Variants in ARHGEF40 observed in about 807,000 individuals in gnomAD.
ARHGEF40 encodes the protein Rho guanine nucleotide exchange factor (GEF) 40.
A neutral mutation model predicts 165.9 loss-of-function variants in ARHGEF40; 98 were observed. That is an observed-to-expected ratio of 0.59 (90% confidence interval 0.50 to 0.70). The LOEUF is 0.70. ARHGEF40 is among the 30% of genes least tolerant of loss of function. The pLI is 0.00. For missense variants in ARHGEF40, 1,815 were observed against 1,968.0 expected, an observed-to-expected ratio of 0.92 and a Z score of 1.47; for synonymous variants, 792 against 814.3, an observed-to-expected ratio of 0.97 and a Z score of 0.47.
rs1339288843 is a variant in ARHGEF40, at chr14:21,075,760, G to T, written c.1734G>T (p.Leu578=). ...CAACTCTTCATTACCTCCACTCACTGCTCAGGTAACCGAGGCCCAGTCCTG... is the reference window on the plus strand; with the variant it reads ...CAACTCTTCATTACCTCCACTCACTTCTCAGGTAACCGAGGCCCAGTCCTG... ...LNTTLHYLHS[L]LRPDLQTLGL... The change falls in exon 5 of 24, where the codon CTG becomes CTT. Residue 578 remains leucine, a synonymous_variant. Coordinates refer to ENST00000298694, the MANE Select transcript of ARHGEF40 (RefSeq NM_018071.5). This position sits in a 1 kb window ranked among gnomAD's most constrained non-coding sequence, Gnocchi z 4.5. 4 of 1,612,566 alleles carry T rather than the reference G, an allele frequency of 2.5e-6. No homozygotes were observed. Among genetic ancestry groups the T allele is most frequent in the Non-Finnish European group, 3.4e-6 (4 of 1,179,430 alleles).
chr14:21,076,409 G>A lies in ARHGEF40; in HGVS notation c.1789G>A (p.Ala597Thr), dbSNP rs1490560203. The A allele has an allele frequency of 6.2e-7, 1 of 1,613,608 alleles. No individual in the cohort carries two copies. The highest frequency in any genetic ancestry group is 1.7e-5 in the Admixed American group (1 of 60,020). The change falls in exon 6 of 24, where the codon GCA (alanine) becomes ACA (threonine). Residue 597 changes from alanine (A) to threonine (T), a missense_variant. Coordinates refer to ENST00000298694, the MANE Select transcript of ARHGEF40 (RefSeq NM_018071.5). ...GTCCGTCCTGCTGGACCTTCGTCAG[G>A]CACCTCCACTGCCTCCAGCACTCAT... Reference protein sequence around the residue: ...GLSVLLDLRQAPPLPPALIPA... With the variant: ...GLSVLLDLRQTPPLPPALIPA...
Position 21,072,764 on chromosome 14 carries a change from G to A in ARHGEF40, c.4-281G>A, listed in dbSNP as rs72671117. ...CAATCACCCCAACTCACGAGCACCC[G>A]GAACAGCCCTGATCAGGGGCATTCA... On this transcript the variant is annotated intron_variant, in intron 1 of 23. Coordinates refer to ENST00000298694, the MANE Select transcript of ARHGEF40 (RefSeq NM_018071.5). The surrounding 1 kb of genome is among the most constrained non-coding windows in gnomAD (Gnocchi z 4.1). Among the ~76,000 whole-genome samples the A allele has an allele frequency of 5.2e-3, 787 of 152,224 alleles. 2 individuals carry two copies. Among genetic ancestry groups the A allele is most frequent in the Non-Finnish European group, 8.3e-3 (563 of 68,016 alleles).
At chr14:21,078,588 A>T in intron 10 of ARHGEF40, 100 bp downstream of exon 10, 1 of 1,230,862 alleles carries the variant, frequency 8.1e-7, no homozygotes, top group Non-Finnish European at 1.1e-6. Context: ...CTTACTGTGC[A>T]TGTATCTGGG....
At chr14:21,082,577 A>C in intron 15 of ARHGEF40, 99 bp downstream of exon 15, 5 of 1,330,740 alleles carry the variant, frequency 3.8e-6, no homozygotes, top group Non-Finnish European at 3.0e-6. Flanking sequence ...CTCTCCTCCC[A>C]TGTGTGGTCC....
chr14:21,067,278 G>A (rs1210328114), upstream of ARHGEF40, among the ~76,000 whole-genome samples: 1 of 71,268 alleles, frequency 1.4e-5, no homozygotes, highest in Non-Finnish European at 3.7e-5. Context: ...CTAGAAAAAG[G>A]TAGGTTTTTT....
chr14:21,083,132 T>C (rs571643621), intron 16 of ARHGEF40, among the ~76,000 whole-genome samples: 1 of 152,290 alleles, frequency 6.6e-6, no homozygotes, highest in East Asian at 1.9e-4. Flanking sequence ...TCCTGTTTCC[T>C]CTGGGCCTCT....
At chr14:21,081,469 T>TA in intron 13 of ARHGEF40, 40 bp from the exon 14 acceptor site, 2 of 1,607,258 alleles carry the variant, frequency 1.2e-6, no homozygotes, top group Non-Finnish European at 1.7e-6. Flanking sequence ...CACAGGCCCT[T>TA]ACCCTTTCTC....
chr14:21,083,384 CAAAAAAAAAA>C (rs59831663), intron 16 of ARHGEF40, among the ~76,000 whole-genome samples: 6 of 128,048 alleles, frequency 4.7e-5, no homozygotes, highest in Admixed American at 2.4e-4. Context: ...ACTAGAAATA[CAAAAAAAAAA>C]AAAAAATTAG....
chr14:21,074,651 C>T lies in ARHGEF40; in HGVS notation c.921C>T (p.Gly307=), dbSNP rs772078736. ...GCCAGGATGGAGCACGCCCACCCGG[C>T]GAGGGGAGCAGCACCGGAGCCTCCC... ...PRGQDGARPP[G]EGSSTGASPE... is the part of the protein sequence containing the mutation. The change falls in exon 3 of 24, where the codon GGC becomes GGT. Residue 307 remains glycine, a synonymous_variant. Transcript: ENST00000298694. The surrounding 1 kb of genome is among the most constrained non-coding windows in gnomAD (Gnocchi z 4.8). The T allele has an allele frequency of 2.4e-5, 37 of 1,566,260 alleles. No homozygotes were observed. The highest frequency in any genetic ancestry group is 1.3e-4 in the South Asian group (11 of 86,016).
At position 21,076,518 on chromosome 14, in the gene ARHGEF40, G is replaced by A. The variant is rs1020970473; in HGVS notation, c.1837-45G>A. 27 of 1,613,924 alleles carry A rather than the reference G, an allele frequency of 1.7e-5. 2 individuals are homozygous for A. The African/African-American group carries it at 2.3e-4, about 14-fold the overall frequency. On this transcript the variant is annotated intron_variant, in intron 6 of 23. Transcript: ENST00000298694. Reference sequence around the variant, plus strand: ...TAACTCTTCACCAGTGGCCAGTCCAGGACACCCGATTGCCCAGTTTAGGGT... The same window carrying A: ...TAACTCTTCACCAGTGGCCAGTCCAAGACACCCGATTGCCCAGTTTAGGGT...
In ARHGEF40 at chr14:21,085,712, A is replaced by G. The variant is rs181657139; in HGVS notation, c.3984A>G (p.Glu1328=). 38 of 1,614,084 alleles carry G rather than the reference A, an allele frequency of 2.4e-5. No homozygotes were observed. The East Asian group carries it at 8.5e-4, about 36-fold the overall frequency. ...AGACTGCTGATATGGGGCTGACAGA[A>G]AACATCGGGGACAGCGGACTCTGCT... is the stretch of plus-strand genomic sequence containing the variant. The part of the protein sequence containing the change: ...AFKTADMGLT[E]NIGDSGLCFE... The change falls in exon 19 of 24, where the codon GAA becomes GAG. Residue 1328 remains glutamate, a synonymous_variant. Transcript: ENST00000298694.
Position 21,084,829 on chromosome 14 carries a change from G to A in ARHGEF40, c.3866G>A (p.Arg1289His), listed in dbSNP as rs768330300. The change falls in exon 18 of 24, where the codon CGC (arginine) becomes CAC (histidine). Residue 1289 changes from arginine to histidine, a missense_variant. Transcript: ENST00000298694. ...TVICGRKKCL[R>H]HVFLFEHLLL... ...ATCTGTGGCCGAAAGAAGTGCCTTC[G>A]CCATGTCTTTCTCTTCGAGCATCTC... 9.3e-6 allele frequency: 15 copies of A among 1,614,188 alleles called. No individual in the cohort carries two copies. The highest frequency in any genetic ancestry group is 1.7e-5 in the Admixed American group (1 of 60,028).
At position 21,080,996 on chromosome 14, in the gene ARHGEF40, C is replaced by T. The variant is rs376506381; in HGVS notation, c.2620C>T (p.Leu874=). The stretch of plus-strand genomic sequence containing the variant: ...GAGTGGCCTCCATCGGGCCCTGCGG[C>T]TACAGCGCTTCTTCCAGCAGGTGCA... The part of the protein sequence containing the change: ...VESGLHRALR[L]QRFFQQAHEW... The change falls in exon 13 of 24, where the codon CTA becomes TTA. Residue 874 remains leucine (L), a synonymous_variant. Transcript: ENST00000298694. 4 of 1,613,830 alleles carry T rather than the reference C, an allele frequency of 2.5e-6. No individual in the cohort carries two copies. The highest frequency in any genetic ancestry group is 3.4e-6 in the Non-Finnish European group (4 of 1,179,850).
rs1888660718 is a variant in ARHGEF40, at chr14:21,089,610, C to CT, written c.*603dup. ...GTGATAAATAACTTGAGCACTTTCC[C>CT]TCAACCAGCCCTTAACTAGAACACA... is the stretch of plus-strand genomic sequence containing the variant. On this transcript the variant is annotated 3_prime_UTR_variant, in exon 24 of 24. Transcript: ENST00000298694. 1 of 152,586 alleles carries CT rather than the reference C, an allele frequency of 6.6e-6. No homozygotes were observed. The allele number at this position is 152,586 out of a possible 1,614,324, so 9.5% of individuals were successfully genotyped here.
intron 18 of ARHGEF40, among the ~76,000 whole-genome samples, chr14:21,085,142 C>T (rs1027920286): frequency 2.6e-5 from 4 of 152,112 alleles, no homozygotes; most frequent in Admixed American, 6.5e-5. Flanking sequence ...TCATGCAGAA[C>T]ACTTAGGAGG....
upstream of ARHGEF40, among the ~76,000 whole-genome samples, chr14:21,065,773 A>G (rs1886230776): frequency 6.6e-6 from 1 of 152,224 alleles, no homozygotes; most frequent in Non-Finnish European, 1.5e-5. Context: ...CAAATTAAGC[A>G]TCTTTAGGAA....
chr14:21,073,807 T>C lies in ARHGEF40; in HGVS notation c.202-125T>C. On this transcript the variant is annotated intron_variant, in intron 2 of 23. Coordinates refer to ENST00000298694, the MANE Select transcript of ARHGEF40 (RefSeq NM_018071.5). The surrounding 1 kb of genome is among the most constrained non-coding windows in gnomAD (Gnocchi z 4.6). The stretch of plus-strand genomic sequence containing the variant: ...GAATACCCCAAATCTCCCCTCCTGC[T>C]CTCCTGAGAGTATAACCTTCCAGGC... 8.9e-7 allele frequency: 1 copy of C among 1,125,064 alleles called. No homozygotes were observed. The highest frequency in any genetic ancestry group is 1.2e-6 in the Non-Finnish European group (1 of 801,592). 69.7% of individuals were successfully genotyped at this position (1,125,064 alleles called of 1,614,324 possible). A position where few individuals can be genotyped will look rare whatever the true frequency, so the allele number is the denominator to read the frequency against.
upstream of ARHGEF40, among the ~76,000 whole-genome samples, chr14:21,069,018 C>T (rs1459617388): frequency 6.6e-6 from 1 of 152,262 alleles, no homozygotes; most frequent in Non-Finnish European, 1.5e-5. Context: ...TTCTCATCAT[C>T]GCCCTCCAGC....
In ARHGEF40 at chr14:21,074,842, C is replaced by A; in HGVS notation, c.1112C>A (p.Thr371Asn). 6.2e-7 allele frequency: 1 copy of A among 1,608,904 alleles called. No homozygotes were observed. Among genetic ancestry groups the A allele is most frequent in the Admixed American group, 1.7e-5 (1 of 59,044 alleles). Reference sequence around the variant, plus strand: ...CAGGGGGCTGAAGGACCACCTGGTACCCCTCGGAGAACAGGCAAAGGAAAC... The same window carrying A: ...CAGGGGGCTGAAGGACCACCTGGTAACCCTCGGAGAACAGGCAAAGGAAAC... Reference protein sequence around the residue: ...GGQGAEGPPGTPRRTGKGNRR... With the variant: ...GGQGAEGPPGNPRRTGKGNRR... Residue 371 changes from threonine (T) to asparagine (N), a missense_variant, in exon 3 of 24, where the codon ACC becomes AAC. Transcript: ENST00000298694. The surrounding 1 kb of genome is among the most constrained non-coding windows in gnomAD (Gnocchi z 4.8).
Sources: gnomAD v4.1 joint callset for allele counts (sites outside exome capture counted in the v4.1 genomes callset) on GRCh38, gnomAD v4.1.1 for gene constraint, Gnocchi (gnomAD v3.1) non-coding constraint, MANE v1.5 for transcripts, NCBI Gene and HGNC (gene_info 2026-07-23, HGNC 2026-07-21) for gene names.